ADAMTS17: variants seen among roughly 807,000 people sequenced by gnomAD.
ADAMTS17 encodes the protein A disintegrin and metalloproteinase with thrombospondin motifs 17.
A neutral mutation model predicts 141.5 loss-of-function variants in ADAMTS17; 113 were observed. The observed-to-expected ratio is 0.80, with a 90% CI of 0.69 to 0.93. The LOEUF (loss-of-function observed/expected upper bound fraction) is 0.93, where lower values mean the gene tolerates loss of function less well. ADAMTS17 is among the 40% of genes least tolerant of loss of function. The pLI is 0.00. For missense variants in ADAMTS17, 1,659 were observed against 1,517.9 expected (o/e 1.09, Z -1.54); for synonymous variants, 768 against 630.6 (o/e 1.22, Z -3.27).
intron 8 of ADAMTS17, among the ~76,000 whole-genome samples, chr15:100,172,887 C>A (rs2141479174): frequency 6.6e-6 from 1 of 152,292 alleles, no homozygotes; most frequent in Non-Finnish European, 1.5e-5. Flanking sequence ...CCTTGAGGTA[C>A]CGAGGAACAA....
intron 15 of ADAMTS17, chr15:100,063,642 A>C (rs184251162): frequency 1.2e-4 from 161 of 1,288,562 alleles, no homozygotes; most frequent in Non-Finnish European, 1.5e-4. Context: ...ATCGATTCTC[A>C]ACACATAAAT....
At chr15:100,062,749 T>C (rs1197756776) in intron 15 of ADAMTS17, among the ~76,000 whole-genome samples, 1 of 152,172 alleles carries the variant, frequency 6.6e-6, no homozygotes, top group African/African-American at 2.4e-5. Context: ...AATCAGCACT[T>C]TGCAACACAG....
At chr15:100,306,641 T>C in intron 3 of ADAMTS17, 1 of 450,266 alleles carries the variant, frequency 2.2e-6, no homozygotes, top group Admixed American at 2.4e-5. Context: ...ATGAACTTAT[T>C]AAAATGGCAA....
intron 10 of ADAMTS17, among the ~76,000 whole-genome samples, chr15:100,145,770 A>G (rs1399887152): frequency 6.6e-6 from 1 of 152,240 alleles, no homozygotes; most frequent in Non-Finnish European, 1.5e-5. Flanking sequence ...ATATATGAAG[A>G]CATTTTCTTT....
intron 18 of ADAMTS17, among the ~76,000 whole-genome samples, chr15:100,034,311 C>T (rs931284630): frequency 7.2e-5 from 11 of 152,274 alleles, no homozygotes; most frequent in African/African-American, 2.7e-4. Context: ...TGAGCCAGCA[C>T]TTCCCTACCT....
intron 3 of ADAMTS17, chr15:100,306,636 C>T: frequency 2.2e-6 from 1 of 451,514 alleles, no homozygotes; most frequent in Non-Finnish European, 4.5e-6. Flanking sequence ...AATCTATGAA[C>T]TTATTAAAAT....
At chr15:100,290,256 A>G (rs1213045183) in intron 3 of ADAMTS17, among the ~76,000 whole-genome samples, 1 of 152,184 alleles carries the variant, frequency 6.6e-6, no homozygotes, top group Non-Finnish European at 1.5e-5. Context: ...CCCACTAACA[A>G]TAACAACAAC....
intron 8 of ADAMTS17, among the ~76,000 whole-genome samples, chr15:100,173,409 C>A (rs377710761): frequency 1.4e-4 from 22 of 152,132 alleles, no homozygotes; most frequent in East Asian, 5.8e-4. Flanking sequence ...AGTTTCTGGA[C>A]ACCCTCACAA....
chr15:100,314,613 G>C (rs1450952289), intron 3 of ADAMTS17, among the ~76,000 whole-genome samples: 2 of 152,186 alleles, frequency 1.3e-5, no homozygotes, highest in African/African-American at 4.8e-5. Context: ...CAAACCAAAA[G>C]TATGGGAGAA....
At chr15:100,155,427 C>T (rs549041915) in intron 8 of ADAMTS17, 107 bp from the exon 9 acceptor site, 83 of 1,483,834 alleles carry the variant, frequency 5.6e-5, no homozygotes, top group African/African-American at 5.1e-4. Flanking sequence ...AAAACAAAAA[C>T]GGACGTAACG....
intron 8 of ADAMTS17, among the ~76,000 whole-genome samples, chr15:100,176,927 T>C (rs941492291): frequency 2.0e-5 from 3 of 152,264 alleles, no homozygotes; most frequent in Non-Finnish European, 4.4e-5. Flanking sequence ...TTCATCCACA[T>C]TGCTGTGTGT....
chr15:100,257,961 G>A (rs372271724), intron 6 of ADAMTS17, among the ~76,000 whole-genome samples: 2 of 152,208 alleles, frequency 1.3e-5, no homozygotes, highest in East Asian at 1.9e-4. Context: ...TTATCTCTAC[G>A]AATCTGACTA....
chr15:100,168,612 C>A (rs141066972), intron 8 of ADAMTS17: 1 of 152,176 alleles, frequency 6.6e-6, no homozygotes, highest in Admixed American at 6.5e-5. Context: ...GCTAACAGTG[C>A]GTAGCAAAAA....
At chr15:100,051,052 G>A (rs1185187345) in intron 17 of ADAMTS17, among the ~76,000 whole-genome samples, 1 of 152,236 alleles carries the variant, frequency 6.6e-6, no homozygotes, top group East Asian at 1.9e-4. Context: ...GAAACATGGG[G>A]TAGAGAGAGG....
chr15:100,141,868 CTG>C (rs2038672152), intron 10 of ADAMTS17, among the ~76,000 whole-genome samples: 1 of 152,244 alleles, frequency 6.6e-6, no homozygotes, highest in Non-Finnish European at 1.5e-5. Context: ...GAAGCGGAGA[CTG>C]AGACAGGCAG....
intron 7 of ADAMTS17, among the ~76,000 whole-genome samples, chr15:100,227,467 G>C (rs917699236): frequency 6.6e-6 from 1 of 152,168 alleles, no homozygotes; most frequent in Admixed American, 6.5e-5. Flanking sequence ...ACACTTGGCC[G>C]CAAGTAATAG....
chr15:100,153,573 G>A (rs1232082652), intron 9 of ADAMTS17, among the ~76,000 whole-genome samples: 1 of 152,208 alleles, frequency 6.6e-6, no homozygotes, highest in Non-Finnish European at 1.5e-5. Context: ...GAACTCAGGA[G>A]GCTGAGGTTG....
At chr15:100,108,779 A>T (rs1305261966) in intron 14 of ADAMTS17, among the ~76,000 whole-genome samples, 1 of 151,320 alleles carries the variant, frequency 6.6e-6, no homozygotes, top group African/African-American at 2.4e-5. Context: ...TTCCACCTCC[A>T]CTCCTTGTTG....
chr15:100,069,041 T>C (rs749619860), intron 15 of ADAMTS17, among the ~76,000 whole-genome samples: 6 of 151,908 alleles, frequency 3.9e-5, no homozygotes, highest in Non-Finnish European at 5.9e-5. Context: ...TGCAGAGAAG[T>C]CCTTAAAGGA....
Sources: allele counts gnomAD v4.1 joint callset (sites outside exome capture counted in the v4.1 genomes callset), GRCh38; gene constraint gnomAD v4.1.1; transcripts MANE v1.5; gene names NCBI Gene and HGNC (gene_info 2026-07-23, HGNC 2026-07-21).